FGD6: variants seen among roughly 807,000 people sequenced by gnomAD.
FGD6 encodes FYVE, RhoGEF and PH domain-containing protein 6.
FGD6 carries 90 observed loss-of-function variants against 149.4 expected under a neutral mutation model. The observed-to-expected ratio is 0.60, with a 90% CI of 0.51 to 0.72. The LOEUF (loss-of-function observed/expected upper bound fraction) is 0.72. FGD6 is among the 30% of genes least tolerant of loss of function. FGD6 has a pLI of 0.00. For missense variants in FGD6, 1,437 were observed against 1,684.8 expected (o/e 0.85, Z 2.57); for synonymous variants, 527 against 584.0 (o/e 0.90, Z 1.41).
chr12:95,196,985 C>T (rs1881750601), intron 2 of FGD6, among the ~76,000 whole-genome samples: 1 of 152,062 alleles, frequency 6.6e-6, no homozygotes, highest in South Asian at 2.1e-4. Context: ...ATCCGTTTTA[C>T]CTTGGAAGTA....
Position 95,210,718 on chromosome 12 carries a change from T to C in FGD6, c.566A>G (p.His189Arg). Residue 189 changes from histidine (H) to arginine (R), a missense_variant, in exon 2 of 21, where the codon CAC (histidine) becomes CGC (arginine). Coordinates refer to ENST00000343958, the MANE Select transcript of FGD6 (RefSeq NM_018351.4). ...LEEELKDALI[H>R]QMPPFISAQK... ...TGCAGAAATAAAAGGTGGCATTTGG[T>C]GTATTAAGGCATCTTTGAGCTCCTC... The C allele has an allele frequency of 6.2e-7, 1 of 1,613,928 alleles. No individual in the cohort carries two copies. Among genetic ancestry groups the C allele is most frequent in the South Asian group, 1.1e-5 (1 of 90,974 alleles).
At chr12:95,103,696 G>C (rs1878520783) in intron 14 of FGD6, among the ~76,000 whole-genome samples, 1 of 152,016 alleles carries the variant, frequency 6.6e-6, no homozygotes, top group Non-Finnish European at 1.5e-5. Context: ...CACCATGTCT[G>C]GCTAATTTTT....
At chr12:95,119,083 C>A (rs955497092) in intron 8 of FGD6, among the ~76,000 whole-genome samples, 1 of 151,876 alleles carries the variant, frequency 6.6e-6, no homozygotes, top group Non-Finnish European at 1.5e-5. Context: ...CATAGTGAGA[C>A]CCATCTCTAA....
intron 1 of FGD6, among the ~76,000 whole-genome samples, chr12:95,214,385 G>C (rs1408626220): frequency 6.6e-6 from 1 of 152,074 alleles, no homozygotes; most frequent in African/African-American, 2.4e-5. Flanking sequence ...ATAGGAACAA[G>C]TGTTCAACTA....
chr12:95,212,310 G>C (rs2056731908), intron 1 of FGD6, among the ~76,000 whole-genome samples: 1 of 152,128 alleles, frequency 6.6e-6, no homozygotes, highest in South Asian at 2.1e-4. Flanking sequence ...AACATCCACT[G>C]TTCTACTACA....
intron 2 of FGD6, among the ~76,000 whole-genome samples, chr12:95,181,900 C>T (rs1329324120): frequency 6.6e-6 from 1 of 150,538 alleles, no homozygotes; most frequent in African/African-American, 2.4e-5. Context: ...GCTGAGATCA[C>T]GCCACTGCAC....
intron 1 of FGD6, among the ~76,000 whole-genome samples, chr12:95,215,263 T>C (rs1388165097): frequency 6.6e-6 from 1 of 152,256 alleles, no homozygotes; most frequent in African/African-American, 2.4e-5. Flanking sequence ...GCTGGATACA[T>C]ATAACCTAGA....
At position 95,209,887 on chromosome 12, in the gene FGD6, T is replaced by C; in HGVS notation, c.1397A>G (p.His466Arg). ...TCCCAGGTTTCTCCCAGATTGCAAA[T>C]GTTCATTGCAAGTTAATTTGAGCTG... ...PKQLKLTCNE[H>R]LQSGRNLGVS... Residue 466 changes from histidine (H) to arginine (R), a missense_variant, in exon 2 of 21, where the codon CAT becomes CGT. Physicochemically the swap from His to Arg is conservative, Grantham distance 29 (BLOSUM62 0). Transcript: ENST00000343958. 6.2e-7 allele frequency: 1 copy of C among 1,613,294 alleles called. No homozygotes were observed. The highest frequency in any genetic ancestry group is 8.5e-7 in the Non-Finnish European group (1 of 1,179,904).
intron 7 of FGD6, among the ~76,000 whole-genome samples, chr12:95,137,260 A>G (rs1879693896): frequency 6.6e-6 from 1 of 152,226 alleles, no homozygotes; most frequent in Admixed American, 6.5e-5. Context: ...AGCCTGGGCA[A>G]CAGAGCAAGA....
chr12:95,082,985 A>T (rs111445353), intron 20 of FGD6, among the ~76,000 whole-genome samples: 643 of 34,372 alleles, frequency 0.019, 13 homozygotes, highest in East Asian at 0.039. Context: ...TGTCTCCATT[A>T]AAAAAAAAAA....
At chr12:95,198,850 G>A (rs1881793245) in intron 2 of FGD6, among the ~76,000 whole-genome samples, 2 of 152,214 alleles carry the variant, frequency 1.3e-5, no homozygotes, top group African/African-American at 4.8e-5. Context: ...GATTGATGGG[G>A]AGTCAGTTTG....
chr12:95,134,145 T>C (rs1348398350), intron 8 of FGD6, among the ~76,000 whole-genome samples: 1 of 152,078 alleles, frequency 6.6e-6, no homozygotes, highest in South Asian at 2.1e-4. Flanking sequence ...TTATTCCTGT[T>C]TTTTTTAGAC....
intron 9 of FGD6, among the ~76,000 whole-genome samples, chr12:95,109,814 A>G (rs950189830): frequency 6.6e-6 from 1 of 152,148 alleles, no homozygotes; most frequent in Non-Finnish European, 1.5e-5. Flanking sequence ...GTGAGCCCAG[A>G]TCACACCACT....
At chr12:95,205,547 A>C (rs2056688614) in intron 2 of FGD6, among the ~76,000 whole-genome samples, 1 of 152,094 alleles carries the variant, frequency 6.6e-6, no homozygotes, top group African/African-American at 2.4e-5. Flanking sequence ...TCATTTTAGA[A>C]CCCCAGTCAG....
At chr12:95,119,178 G>T (rs1879112252) in intron 8 of FGD6, among the ~76,000 whole-genome samples, 1 of 152,190 alleles carries the variant, frequency 6.6e-6, no homozygotes. Context: ...TGAGGCATGG[G>T]ACTTTGGCCA....
rs1877574110 is a variant in FGD6 at position 95,078,720 on chromosome 12, A to T, written c.*2800T>A. 6.6e-6 allele frequency: 1 copy of T among 152,110 alleles called. No homozygotes were observed. The allele number at this position is 152,110 out of a possible 1,614,324, so 9.4% of individuals were successfully genotyped here. A position where few individuals can be genotyped will look rare whatever the true frequency, so the allele number is the denominator to read the frequency against. ...AGATAATTACTCTCATTTTCTTAGG[A>T]CTCTGATGGGTCCTGTACATTTATA... On this transcript the variant is annotated 3_prime_UTR_variant, in exon 21 of 21. Transcript: ENST00000343958.
At chr12:95,125,723 A>G in intron 8 of FGD6, 2 of 575,388 alleles carry the variant, frequency 3.5e-6, no homozygotes, top group Non-Finnish European at 6.2e-6. Context: ...CACAACTACA[A>G]TTAAAAATGA....
chr12:95,123,054 A>AC (rs1879238191), intron 8 of FGD6, among the ~76,000 whole-genome samples: 1 of 148,470 alleles, frequency 6.7e-6, no homozygotes, highest in South Asian at 2.1e-4. Flanking sequence ...GACTCTGTCA[A>AC]AAAAAAAAAA....
intron 15 of FGD6, 103 bp from the exon 16 acceptor site, chr12:95,092,948 C>T: frequency 7.7e-7 from 1 of 1,306,278 alleles, no homozygotes; most frequent in Non-Finnish European, 1.1e-6. Flanking sequence ...GGGTCAGGCA[C>T]AGCAGCTCAC....
Sources: allele counts gnomAD v4.1 joint callset (sites outside exome capture counted in the v4.1 genomes callset), GRCh38; gene constraint gnomAD v4.1.1; transcripts MANE v1.5; gene names NCBI Gene and HGNC (gene_info 2026-07-23, HGNC 2026-07-21).